Variants in CD4 observed in about 807,000 individuals in gnomAD.
CD4 encodes T-cell surface glycoprotein CD4.
A neutral mutation model predicts 50.5 loss-of-function variants in CD4; 25 were observed. The observed-to-expected ratio is 0.49, with a 90% CI of 0.36 to 0.69. CD4 has a LOEUF of 0.69. CD4 is among the 30% of genes least tolerant of loss of function. The probability of loss-of-function intolerance (pLI) is 0.00; values close to 1 mark genes in which losing one functional copy is unlikely to be tolerated. For missense variants in CD4, 456 were observed against 548.5 expected (o/e 0.83, Z 1.68); for synonymous variants, 207 against 221.9 (o/e 0.93, Z 0.60).
At chr12:6,807,139 C>A (rs781881345) in intron 3 of CD4, among the ~76,000 whole-genome samples, 1 of 151,818 alleles carries the variant, frequency 6.6e-6, no homozygotes, top group East Asian at 2.0e-4. Flanking sequence ...TGCACTCCAA[C>A]CTGGGAGACG....
chr12:6,819,399 C>G lies in CD4; in HGVS notation c.*70C>G. The stretch of plus-strand genomic sequence containing the variant: ...TGCCCCGCGTTTCCTGCCTGCGGAC[C>G]AGATGAATGTAGCAGATCCCCAGCC... On this transcript the variant is annotated 3_prime_UTR_variant, in exon 10 of 10. Transcript: ENST00000011653. The G allele has an allele frequency of 1.4e-6, 2 of 1,440,048 alleles. No homozygotes were observed. The highest frequency in any genetic ancestry group is 2.3e-5 in the South Asian group (2 of 87,670). 89.2% of individuals were successfully genotyped at this position (1,440,048 alleles called of 1,614,324 possible). A position where few individuals can be genotyped will look rare whatever the true frequency, so the allele number is the denominator to read the frequency against.
intron 1 of CD4, among the ~76,000 whole-genome samples, chr12:6,795,098 C>CTCTATCTATCTA (rs10667545): frequency 0.059 from 8,751 of 147,126 alleles, 281 homozygotes; most frequent in Middle Eastern, 0.11. Context: ...AAATGTCTGT[C>CTCTATCTATCTA]TCTATCTATC....
At chr12:6,808,079 C>CAAAAAAA (rs34876182) in intron 3 of CD4, among the ~76,000 whole-genome samples, 19 of 70,138 alleles carry the variant, frequency 2.7e-4, no homozygotes, top group African/African-American at 7.3e-4. Context: ...GGCTCTTTCT[C>CAAAAAAA]AAAAAAAAAA....
intron 1 of CD4, among the ~76,000 whole-genome samples, chr12:6,793,970 A>ATCTATATCTATC (rs1555114029): frequency 8.2e-5 from 11 of 133,920 alleles, no homozygotes; most frequent in South Asian, 2.4e-4. Context: ...CTATCTATCT[A>ATCTATATCTATC]TATCTATCTA....
At chr12:6,817,062 A>G in intron 6 of CD4, 68 bp from the exon 7 acceptor site, 1 of 1,366,194 alleles carries the variant, frequency 7.3e-7, no homozygotes, top group Non-Finnish European at 1.0e-6. Flanking sequence ...GGTCACCCAT[A>G]TAGAGTATCA....
At chr12:6,813,301 T>C (rs1167517404) in intron 3 of CD4, among the ~76,000 whole-genome samples, 4 of 151,850 alleles carry the variant, frequency 2.6e-5, no homozygotes, top group African/African-American at 9.7e-5. Context: ...AAACAATCTT[T>C]CCACCTCGAT....
At chr12:6,800,967 G>A (rs1487213822) in intron 3 of CD4, among the ~76,000 whole-genome samples, 2 of 151,838 alleles carry the variant, frequency 1.3e-5, no homozygotes, top group African/African-American at 4.8e-5. Context: ...GTGCAGTGGT[G>A]TGATCTCGGC....
chr12:6,794,228 G>T (rs1345708525), intron 1 of CD4, among the ~76,000 whole-genome samples: 5 of 145,126 alleles, frequency 3.4e-5, no homozygotes, highest in African/African-American at 5.1e-5. Context: ...CACCACTCCT[G>T]GCTAATTTTT....
intron 3 of CD4, among the ~76,000 whole-genome samples, chr12:6,812,455 G>A (rs782537101): frequency 6.6e-6 from 1 of 152,100 alleles, no homozygotes; most frequent in African/African-American, 2.4e-5. Context: ...CAAGGCGAGC[G>A]GATCACCTGA....
rs782438187 is a variant in CD4, at chr12:6,804,738, C to T, written c.214+4267C>T. Among the ~76,000 whole-genome samples the T allele has an allele frequency of 1.8e-4, 27 of 152,018 alleles. 1 individual carries two copies. Among genetic ancestry groups the T allele is most frequent in the South Asian group, 1.2e-3 (6 of 4,810 alleles). On this transcript the variant is annotated intron_variant, in intron 3 of 9. Transcript: ENST00000011653. The stretch of plus-strand genomic sequence containing the variant: ...AAGTAAAAAATTAGCTGAGCATGGC[C>T]GGGTGCAGTGGCTCACTCCTGTAAC...
At chr12:6,814,622 T>C in intron 4 of CD4, 137 bp from the exon 5 acceptor site, 12 of 775,380 alleles carry the variant, frequency 1.5e-5, no homozygotes, top group Non-Finnish European at 2.5e-5. Flanking sequence ...CTATCTTGGC[T>C]GGGGGTGCGC....
chr12:6,818,682 C>A lies in CD4; in HGVS notation c.1278+140C>A. 1 of 1,233,640 alleles carries A rather than the reference C, an allele frequency of 8.1e-7. No homozygotes were observed. The highest frequency in any genetic ancestry group is 1.2e-6 in the Non-Finnish European group (1 of 853,332). 76.4% of individuals were successfully genotyped at this position (1,233,640 alleles called of 1,614,324 possible). Reference sequence around the variant, plus strand: ...TCCCTTGCTGCCCTGTCCCAGATCCCACTCAAGGGAGAGACAGGAAGGAGC... The same window carrying A: ...TCCCTTGCTGCCCTGTCCCAGATCCAACTCAAGGGAGAGACAGGAAGGAGC... On this transcript the variant is annotated intron_variant, in intron 8 of 9. Transcript: ENST00000011653. This position sits in a 1 kb window ranked among gnomAD's most constrained non-coding sequence, Gnocchi z 5.0.
rs200819740 is a variant in CD4, at chr12:6,817,097, G to C, written c.956-33G>C. On this transcript the variant is annotated intron_variant, in intron 6 of 9. Transcript: ENST00000011653. ...ATTTTAATTGTTCTACTGAATCTCA[G>C]GCCTTTGATCTCAGCCTCTCGTTCC... 87 of 1,582,470 alleles carry C rather than the reference G, an allele frequency of 5.5e-5. No individual in the cohort carries two copies. The South Asian group carries it at 9.4e-4, about 17-fold the overall frequency.
chr12:6,805,816 C>T (rs781859404), intron 3 of CD4, among the ~76,000 whole-genome samples: 1 of 152,052 alleles, frequency 6.6e-6, no homozygotes, highest in East Asian at 1.9e-4. Flanking sequence ...GTGGCTTACA[C>T]CTGTAATCCT....
At chr12:6,802,950 G>T (rs1409411066) in intron 3 of CD4, among the ~76,000 whole-genome samples, 16 of 150,816 alleles carry the variant, frequency 1.1e-4, no homozygotes, top group Admixed American at 1.1e-3. Flanking sequence ...TAGCAGGATG[G>T]TCTCAATCTC....
At chr12:6,812,604 G>A (rs1409059513) in intron 3 of CD4, among the ~76,000 whole-genome samples, 2 of 152,070 alleles carry the variant, frequency 1.3e-5, no homozygotes, top group African/African-American at 4.8e-5. Context: ...GCTTGAACCC[G>A]GGAGGCGGAG....
chr12:6,804,413 A>G (rs1942662847), intron 3 of CD4, among the ~76,000 whole-genome samples: 2 of 152,216 alleles, frequency 1.3e-5, no homozygotes, highest in Non-Finnish European at 2.9e-5. Context: ...TGTGGATGAC[A>G]TGATTACATA....
chr12:6,805,296 C>T (rs782717237), intron 3 of CD4, among the ~76,000 whole-genome samples: 5 of 151,642 alleles, frequency 3.3e-5, no homozygotes, highest in African/African-American at 1.2e-4. Flanking sequence ...GGTGCAGTGG[C>T]TCATGCCTGT....
chr12:6,794,500 T>A (rs1254583368), intron 1 of CD4, among the ~76,000 whole-genome samples: 1 of 151,598 alleles, frequency 6.6e-6, no homozygotes, highest in Admixed American at 6.6e-5. Context: ...GCCTCCCAAG[T>A]AGCTGAGATT....
Sources: allele counts gnomAD v4.1 joint callset (sites outside exome capture counted in the v4.1 genomes callset), GRCh38; gene constraint gnomAD v4.1.1; non-coding constraint Gnocchi (gnomAD v3.1); transcripts MANE v1.5; gene names NCBI Gene and HGNC (gene_info 2026-07-23, HGNC 2026-07-21).